ADGRV1: variants seen among roughly 807,000 people sequenced by gnomAD.
The protein encoded by ADGRV1 is adhesion G protein-coupled receptor V1, also known as G-protein coupled receptor 98.
A neutral mutation model predicts 596.2 loss-of-function variants in ADGRV1; 359 were observed. The ratio of observed to expected loss-of-function variants is 0.60; its 90% confidence interval spans 0.55 to 0.66. The LOEUF is 0.66. Ranked by LOEUF, ADGRV1 falls within the 30% of genes least tolerant of loss-of-function variation. The probability of loss-of-function intolerance (pLI) is 0.00; values close to 1 mark genes in which losing one functional copy is unlikely to be tolerated. For synonymous variants in ADGRV1, 2,681 were observed against 2,679.2 expected (o/e 1.00, Z -0.02); for missense variants, 7,274 against 7,575.6 (o/e 0.96, Z 1.48).
chr5:90,756,733 T>G (rs1166159959), intron 56 of ADGRV1, 103 bp downstream of exon 56: 1 of 988,384 alleles, frequency 1.0e-6, no homozygotes, highest in African/African-American at 1.7e-5. Context: ...TTTAAATAGA[T>G]AAATAACCAA....
At position 90,976,031 on chromosome 5, in the gene ADGRV1, C is replaced by G. The variant is rs533239098; in HGVS notation, c.17974-9313C>G. On this transcript the variant is annotated intron_variant, in intron 84 of 89. Transcript: ENST00000405460. The stretch of plus-strand genomic sequence containing the variant: ...TAATGGTACAAAACATAATCGAATA[C>G]TAAATAAAAAGTACATCTTTTTCTC... 4.6e-5 allele frequency among the ~76,000 whole-genome samples: 7 copies of G among 151,816 alleles called. No individual in the cohort carries two copies. In the South Asian group the frequency reaches 1.5e-3, roughly 32 times the overall value.
intron 83 of ADGRV1, among the ~76,000 whole-genome samples, chr5:90,873,779 A>G (rs1768942179): frequency 6.8e-6 from 1 of 146,342 alleles, no homozygotes; most frequent in Non-Finnish European, 1.5e-5. Context: ...TGGGCAATAA[A>G]GACCTTGTCT....
chr5:90,780,121 G>A (rs1160261138), intron 64 of ADGRV1: 1 of 152,186 alleles, frequency 6.6e-6, no homozygotes, highest in East Asian at 1.9e-4. Flanking sequence ...TAGTCGTTTA[G>A]TGTGAGATCA....
intron 21 of ADGRV1, among the ~76,000 whole-genome samples, chr5:90,666,272 G>A (rs1229297699): frequency 6.6e-6 from 1 of 152,068 alleles, no homozygotes; most frequent in Non-Finnish European, 1.5e-5. Flanking sequence ...GGTCATTCAG[G>A]ACTTGCTTTT....
rs536058779 is a variant in ADGRV1 at position 91,065,854 on chromosome 5, C to T, written c.18153-6593C>T. ...AACAGCATCTACTTGTTTCATCTGG[C>T]GAAATATAGGGAAAAGGATGAAGTC... On this transcript the variant is annotated intron_variant, in intron 85 of 89. Transcript: ENST00000405460. 5.3e-5 allele frequency among the ~76,000 whole-genome samples: 8 copies of T among 151,974 alleles called. No individual in the cohort carries two copies. In the South Asian group the frequency reaches 8.3e-4, roughly 16 times the overall value.
At chr5:90,808,064 G>A (rs549520432) in intron 73 of ADGRV1, among the ~76,000 whole-genome samples, 6 of 152,314 alleles carry the variant, frequency 3.9e-5, no homozygotes, top group African/African-American at 1.4e-4. Flanking sequence ...ATTGCCCCAA[G>A]TGATTAAGAG....
intron 83 of ADGRV1, among the ~76,000 whole-genome samples, chr5:90,887,633 G>A (rs1478176823): frequency 1.3e-5 from 2 of 152,174 alleles, no homozygotes; most frequent in African/African-American, 4.8e-5. Flanking sequence ...GGCCAAGAAT[G>A]TCTTCAGTGT....
At chr5:90,781,373 A>T (rs1229695086) in intron 64 of ADGRV1, 57 bp from the exon 65 acceptor site, 4 of 1,267,644 alleles carry the variant, frequency 3.2e-6, no homozygotes, top group Admixed American at 3.9e-5. Context: ...CTATGCAATT[A>T]TGTATTTTTT....
rs773730106 is a variant in ADGRV1 at position 90,724,815 on chromosome 5, T to C, written c.9749-17T>C. The stretch of plus-strand genomic sequence containing the variant: ...GAAGGAGTAATAAACTAGTAAACCA[T>C]GATTTGTGTTTTTCAGGGGGAATGG... On this transcript the variant is annotated splice_polypyrimidine_tract_variant and intron_variant, in intron 45 of 89. Transcript: ENST00000405460. The C allele has an allele frequency of 3.2e-5, 51 of 1,610,778 alleles. 1 individual carries two copies. In the South Asian group the frequency reaches 5.6e-4, roughly 18 times the overall value.
chr5:90,793,976 TG>T (rs2150145206), intron 70 of ADGRV1, among the ~76,000 whole-genome samples: 1 of 152,306 alleles, frequency 6.6e-6, no homozygotes, highest in Non-Finnish European at 1.5e-5. Context: ...TGGGGAAAGG[TG>T]TGACATGCAC....
intron 10 of ADGRV1, 29 bp downstream of exon 10, chr5:90,635,319 G>A (rs754985532): frequency 6.4e-7 from 1 of 1,570,132 alleles, no homozygotes; most frequent in African/African-American, 1.4e-5. Flanking sequence ...ACTGATGGGG[G>A]CTAATGAGTA....
intron 48 of ADGRV1, among the ~76,000 whole-genome samples, chr5:90,728,032 T>C (rs1752032819): frequency 6.6e-6 from 1 of 152,210 alleles, no homozygotes. Flanking sequence ...GTTAATAAGA[T>C]CCATAAAGGG....
chr5:90,718,520 G>C (rs1365860865), intron 43 of ADGRV1: 1 of 151,980 alleles, frequency 6.6e-6, no homozygotes, highest in Non-Finnish European at 1.5e-5. Flanking sequence ...TAAAATAATA[G>C]ATTTAAAGCT....
intron 85 of ADGRV1, among the ~76,000 whole-genome samples, chr5:91,013,837 T>A (rs566098689): frequency 6.6e-6 from 1 of 152,124 alleles, no homozygotes; most frequent in South Asian, 2.1e-4. Flanking sequence ...TTTATAGTTT[T>A]GGGTTTTACA....
At chr5:90,627,801 C>T (rs775823967) in intron 7 of ADGRV1, 25 bp downstream of exon 7, 2 of 1,305,030 alleles carry the variant, frequency 1.5e-6, no homozygotes, top group South Asian at 1.7e-5. Flanking sequence ...AAATATATTG[C>T]TACCATTATT....
At chr5:90,946,193 T>C (rs76645775) in intron 83 of ADGRV1, among the ~76,000 whole-genome samples, 25,771 of 151,782 alleles carry the variant, frequency 0.17, 3,140 homozygotes, top group East Asian at 0.5. Flanking sequence ...GCTTGGTTTG[T>C]TCAAGAAAAT....
chr5:90,745,875 C>T, intron 52 of ADGRV1, 80 bp downstream of exon 52: 1 of 812,398 alleles, frequency 1.2e-6, no homozygotes, highest in South Asian at 1.7e-5. Context: ...TATTAGCACT[C>T]AGCAAGTCAT....
intron 76 of ADGRV1, among the ~76,000 whole-genome samples, chr5:90,823,834 A>G (rs1213480158): frequency 2.0e-5 from 3 of 152,192 alleles, no homozygotes; most frequent in African/African-American, 7.2e-5. Flanking sequence ...CCATTCTAAA[A>G]TAACAACCAT....
intron 86 of ADGRV1, among the ~76,000 whole-genome samples, chr5:91,086,418 C>T (rs1459243154): frequency 6.6e-6 from 1 of 152,074 alleles, no homozygotes; most frequent in African/African-American, 2.4e-5. Context: ...TTTTCTTCTT[C>T]CTCTTGATAC....
Sources: allele counts gnomAD v4.1 joint callset (sites outside exome capture counted in the v4.1 genomes callset), GRCh38; gene constraint gnomAD v4.1.1; transcripts MANE v1.5; gene names NCBI Gene and HGNC (gene_info 2026-07-23, HGNC 2026-07-21).